The following TYRP1 variants were observed in gnomAD, a reference collection of about 807,000 sequenced individuals.
The protein encoded by TYRP1 is 5,6-dihydroxyindole-2-carboxylic acid oxidase.
TYRP1 carries 49 observed loss-of-function variants against 42.8 expected under a neutral mutation model. That is an observed-to-expected ratio of 1.14 (90% CI 0.91 to 1.45). TYRP1 has a LOEUF of 1.45. Among genes scored for constraint, TYRP1 ranks in the 40% most tolerant of loss-of-function variants. TYRP1 has a pLI of 0.00. For missense variants in TYRP1, 848 were observed against 662.0 expected (o/e 1.28, Z -3.08); for synonymous variants, 279 against 235.4 (o/e 1.19, Z -1.69).
Position 12,698,911 on chromosome 9 carries a change from T to G in TYRP1, c.913+256T>G, listed in dbSNP as rs982544283. On this transcript the variant is annotated intron_variant, in intron 4 of 7. Transcript: ENST00000388918. ...GTAGTTTGGTCAATATCTTGCTAAC[T>G]TTCTTATTTTGGAAATGTCTAGTTG... 2.6e-5 allele frequency among the ~76,000 whole-genome samples: 4 copies of G among 152,262 alleles called. No homozygotes were observed. In the East Asian group the frequency reaches 7.7e-4, roughly 29 times the overall value.
At chr9:12,704,386 G>T (rs1818224060) in intron 5 of TYRP1, 140 bp from the exon 6 acceptor site, 3 of 782,812 alleles carry the variant, frequency 3.8e-6, no homozygotes, top group Non-Finnish European at 4.3e-6. Flanking sequence ...TAGGTACAGA[G>T]AAGCAGTGCT....
At chr9:12,708,618 A>C (rs957172038) in intron 7 of TYRP1, among the ~76,000 whole-genome samples, 18 of 151,890 alleles carry the variant, frequency 1.2e-4, no homozygotes, top group African/African-American at 4.3e-4. Flanking sequence ...TTTTGTTTAA[A>C]TCTTTTCCCC....
At chr9:12,706,814 GT>G (rs1200166100) in intron 6 of TYRP1, among the ~76,000 whole-genome samples, 1 of 151,968 alleles carries the variant, frequency 6.6e-6, no homozygotes, top group Non-Finnish European at 1.5e-5. Flanking sequence ...CAAGAGTCTT[GT>G]TTAAAATAAG....
intron 3 of TYRP1, among the ~76,000 whole-genome samples, chr9:12,696,894 C>T (rs949434807): frequency 4.6e-5 from 7 of 151,978 alleles, no homozygotes; most frequent in Admixed American, 2.6e-4. Flanking sequence ...AAGGGAAAGG[C>T]GTTTAGATTC....
Position 12,698,440 on chromosome 9 carries a change from C to A in TYRP1, c.709-11C>A. 1 of 1,612,456 alleles carries A rather than the reference C, an allele frequency of 6.2e-7. No homozygotes were observed. Among genetic ancestry groups the A allele is most frequent in the Non-Finnish European group, 8.5e-7 (1 of 1,178,694 alleles). On this transcript the variant is annotated splice_polypyrimidine_tract_variant and intron_variant, in intron 3 of 7. Coordinates refer to ENST00000388918, the MANE Select transcript of TYRP1 (RefSeq NM_000550.3). ...GAAGCAGAGAGTATTAATGTGGTTT[C>A]TGTGATCTAGGAAATGTTGCAAGAG...
chr9:12,698,309 C>A, intron 3 of TYRP1, 142 bp from the exon 4 acceptor site: 1 of 794,294 alleles, frequency 1.3e-6, no homozygotes. Flanking sequence ...TCCTCTGGGC[C>A]CCTCAGACAC....
In TYRP1 at chr9:12,693,960, A is replaced by C. The variant is rs928756545; in HGVS notation, c.-37A>C. 1 of 1,612,542 alleles carries C rather than the reference A, an allele frequency of 6.2e-7. No individual in the cohort carries two copies. Among genetic ancestry groups the C allele is most frequent in the African/African-American group, 1.3e-5 (1 of 74,820 alleles). ...AGTCTTCTCTACACAAAGAGCTGCA[A>C]ACCAGGTCTTTGTTTTGCACTCTTA... On this transcript the variant is annotated 5_prime_UTR_variant, in exon 2 of 8. Coordinates refer to ENST00000388918, the MANE Select transcript of TYRP1 (RefSeq NM_000550.3).
chr9:12,697,089 G>C (rs978164216), intron 3 of TYRP1, among the ~76,000 whole-genome samples: 1 of 152,206 alleles, frequency 6.6e-6, no homozygotes, highest in South Asian at 2.1e-4. Context: ...TTATAGCTCT[G>C]ATTGCAAGTA....
At chr9:12,704,778 G>C in intron 6 of TYRP1, 73 bp downstream of exon 6, 2 of 1,453,116 alleles carry the variant, frequency 1.4e-6, no homozygotes, top group East Asian at 2.3e-5. Context: ...ATCAGTTCAA[G>C]CTGAGCACTC....
chr9:12,695,384 T>A, intron 2 of TYRP1, 131 bp from the exon 3 acceptor site: 1 of 811,510 alleles, frequency 1.2e-6, no homozygotes, highest in Non-Finnish European at 2.0e-6. Context: ...TTTTTAAAAG[T>A]GTAAAATAAT....
At chr9:12,708,845 G>C in intron 7 of TYRP1, 132 bp from the exon 8 acceptor site, 1 of 837,402 alleles carries the variant, frequency 1.2e-6, no homozygotes, top group Admixed American at 2.1e-5. Context: ...GTGGCTTCAA[G>C]GCCATGTGGC....
intron 5 of TYRP1, among the ~76,000 whole-genome samples, chr9:12,702,744 T>C (rs902221886): frequency 6.6e-6 from 1 of 152,104 alleles, no homozygotes; most frequent in Middle Eastern, 3.4e-3. Context: ...TATATCAAGG[T>C]CTCTAGCATT....
At chr9:12,704,802 A>G in intron 6 of TYRP1, 97 bp downstream of exon 6, 2 of 1,229,792 alleles carry the variant, frequency 1.6e-6, no homozygotes, top group Non-Finnish European at 1.2e-6. Flanking sequence ...GCATAAAAAC[A>G]CTTTCAAAAT....
chr9:12,707,393 G>A (rs1329620302), intron 6 of TYRP1, among the ~76,000 whole-genome samples: 3 of 151,938 alleles, frequency 2.0e-5, no homozygotes, highest in Admixed American at 6.6e-5. Flanking sequence ...TTTTCTTCCT[G>A]TTGATAAAAT....
At position 12,698,580 on chromosome 9, in the gene TYRP1, A is replaced by G. The variant is rs767466270; in HGVS notation, c.838A>G (p.Asn280Asp). The G allele has an allele frequency of 2.9e-5, 46 of 1,613,742 alleles. No individual in the cohort carries two copies. The highest frequency in any genetic ancestry group is 4.4e-5 in the South Asian group (4 of 91,082). ...CTTTGATTCCACTCTAATAAGCCCA[A>G]ACTCTGTCTTTTCTCAATGGCGAGT... ...SNFDSTLISP[N>D]SVFSQWRVVC... is the part of the protein sequence containing the mutation. Residue 280 changes from asparagine (N) to aspartate (D), a missense_variant, in exon 4 of 8, where the codon AAC (asparagine) becomes GAC (aspartate). Transcript: ENST00000388918.
chr9:12,708,786 A>G (rs1004761990), intron 7 of TYRP1, among the ~76,000 whole-genome samples, 191 bp from the exon 8 acceptor site: 1 of 152,014 alleles, frequency 6.6e-6, no homozygotes, highest in Non-Finnish European at 1.5e-5. Context: ...TGAAATGGAA[A>G]TAACAATGAC....
intron 6 of TYRP1, among the ~76,000 whole-genome samples, chr9:12,705,615 G>A (rs1023010251): frequency 6.6e-6 from 1 of 152,056 alleles, no homozygotes; most frequent in African/African-American, 2.4e-5. Flanking sequence ...GGGAAGCCGA[G>A]ATGTGGGGAT....
At chr9:12,700,382 C>G (rs994542182) in intron 4 of TYRP1, 2 of 152,070 alleles carry the variant, frequency 1.3e-5, no homozygotes, top group Non-Finnish European at 2.9e-5. Context: ...ATGCGCCAAA[C>G]TTGGTGGATT....
intron 1 of TYRP1, 98 bp from the exon 2 acceptor site, chr9:12,693,814 C>T: frequency 3.0e-6 from 2 of 676,094 alleles, no homozygotes; most frequent in Non-Finnish European, 5.0e-6. Context: ...TGTCATTTTA[C>T]ATATGGGTTC....
Sources: gnomAD v4.1 joint callset for allele counts (sites outside exome capture counted in the v4.1 genomes callset) on GRCh38, gnomAD v4.1.1 for gene constraint, MANE v1.5 for transcripts, NCBI Gene and HGNC (gene_info 2026-07-23, HGNC 2026-07-21) for gene names.